Variants in CCNI observed in about 807,000 individuals in gnomAD.
CCNI encodes the protein cyclin I, also known as cyclin-I.
Under a neutral mutation model 34.1 loss-of-function variants are expected in CCNI, and 14 were observed. The ratio of observed to expected loss-of-function variants is 0.41; its 90% CI spans 0.27 to 0.64. The LOEUF is 0.64. Among genes scored for constraint, CCNI ranks in the 30% least tolerant of loss-of-function variants. CCNI has a pLI of 0.31. For synonymous variants in CCNI, 154 were observed against 158.4 expected, an observed-to-expected ratio of 0.97 and a Z score of 0.21; for missense variants, 385 against 440.5, an observed-to-expected ratio of 0.87 and a Z score of 1.13.
intron 6 of CCNI, among the ~76,000 whole-genome samples, chr4:77,052,754 T>C (rs945417333): frequency 2.6e-5 from 4 of 152,146 alleles, no homozygotes; most frequent in African/African-American, 7.2e-5. Context: ...TGTGGCCTTG[T>C]CACACGTCTA....
chr4:77,068,911 T>C (rs1277396215), intron 1 of CCNI, among the ~76,000 whole-genome samples: 1 of 152,178 alleles, frequency 6.6e-6, no homozygotes, highest in African/African-American at 2.4e-5. Context: ...AATTATGATT[T>C]TGTTAATTTT....
At chr4:77,071,173 G>A (rs899455806) in intron 1 of CCNI, among the ~76,000 whole-genome samples, 3 of 152,118 alleles carry the variant, frequency 2.0e-5, no homozygotes, top group African/African-American at 7.2e-5. Context: ...CAGGTTCAAT[G>A]GATTCCCGTT....
chr4:77,075,525 A>G lies in CCNI; in HGVS notation c.-97T>C. 2 of 988,348 alleles carry G rather than the reference A, an allele frequency of 2.0e-6. No homozygotes were observed. The highest frequency in any genetic ancestry group is 2.4e-6 in the Non-Finnish European group (2 of 830,576). 61.2% of individuals were successfully genotyped at this position (988,348 alleles called of 1,614,324 possible). A position where few individuals can be genotyped will look rare whatever the true frequency, so the allele number is the denominator to read the frequency against. ...TCCCCGGCAGAGCTGTAGGCCTCAC[A>G]GTGGTGACGCGGGGTCATCCGGGGG... On this transcript the variant is annotated 5_prime_UTR_variant, in exon 1 of 7. Coordinates refer to ENST00000237654, the MANE Select transcript of CCNI (RefSeq NM_006835.3).
chr4:77,051,307 T>C (rs1030202473), intron 6 of CCNI, among the ~76,000 whole-genome samples: 1 of 152,200 alleles, frequency 6.6e-6, no homozygotes, highest in African/African-American at 2.4e-5. Flanking sequence ...AAGGTAAAGG[T>C]ACCACAAATA....
At chr4:77,055,462 TTC>T (rs1491130650) in intron 5 of CCNI, 82 bp from the exon 6 acceptor site, 6 of 950,964 alleles carry the variant, frequency 6.3e-6, no homozygotes, top group Non-Finnish European at 6.3e-6. Context: ...CCTATTCAAT[TTC>T]TTTTTTTTTT....
intron 5 of CCNI, among the ~76,000 whole-genome samples, chr4:77,055,623 TGCCCG>T (rs1270936426): frequency 6.6e-6 from 1 of 151,936 alleles, no homozygotes; most frequent in Non-Finnish European, 1.5e-5. Context: ...CCTGCCACCA[TGCCCG>T]GCTAATTTTT....
At chr4:77,058,466 C>T in intron 3 of CCNI, 41 bp downstream of exon 3, 2 of 1,539,872 alleles carry the variant, frequency 1.3e-6, no homozygotes, top group Non-Finnish European at 1.8e-6. Context: ...CATACATACA[C>T]TCAAATGAGG....
At chr4:77,049,100 G>A (rs1727663699) in intron 6 of CCNI, among the ~76,000 whole-genome samples, 1 of 148,196 alleles carries the variant, frequency 6.7e-6, no homozygotes, top group Non-Finnish European at 1.5e-5. Context: ...AATGTAAGAA[G>A]CCAAAGGGCA....
chr4:77,064,153 G>T (rs4252835), intron 2 of CCNI, among the ~76,000 whole-genome samples: 14 of 151,664 alleles, frequency 9.2e-5, no homozygotes, highest in African/African-American at 3.4e-4. Flanking sequence ...TGAGGCAAGA[G>T]AATCACTTGA....
At chr4:77,061,515 T>C (rs965158782) in intron 2 of CCNI, among the ~76,000 whole-genome samples, 1 of 152,280 alleles carries the variant, frequency 6.6e-6, no homozygotes, top group South Asian at 2.1e-4. Context: ...ATATATTCTG[T>C]ATATATATTA....
At chr4:77,048,755 C>T in intron 6 of CCNI, 93 bp from the exon 7 acceptor site, 1 of 855,636 alleles carries the variant, frequency 1.2e-6, no homozygotes, top group Non-Finnish European at 1.7e-6. Flanking sequence ...CCTCCCTGTG[C>T]TTTCCGTCCC....
At chr4:77,050,880 C>A (rs1312012739) in intron 6 of CCNI, among the ~76,000 whole-genome samples, 1 of 151,394 alleles carries the variant, frequency 6.6e-6, no homozygotes, top group Admixed American at 6.6e-5. Context: ...AAAAAAGGGG[C>A]TATAGTGTAG....
Position 77,048,385 on chromosome 4 carries a change from C to T in CCNI, c.968G>A (p.Arg323His), listed in dbSNP as rs1456465577. 4 of 1,613,874 alleles carry T rather than the reference C, an allele frequency of 2.5e-6. No homozygotes were observed. The highest frequency in any genetic ancestry group is 2.2e-5 in the East Asian group (1 of 44,892). ...ASGCKQTSTK[R>H]KVEEMEVDDF... ...ATCCACTTCCATTTCCTCTACTTTG[C>T]GTTTAGTAGAGGTCTGCTTGCACCC... The change falls in exon 7 of 7, where the codon CGC becomes CAC. Residue 323 changes from arginine to histidine, a missense_variant. By Grantham distance (29) the Arg-to-His change is conservative (BLOSUM62 0). Transcript: ENST00000237654.
intron 1 of CCNI, among the ~76,000 whole-genome samples, chr4:77,068,254 G>A (rs757546256): frequency 3.9e-5 from 6 of 152,080 alleles, no homozygotes; most frequent in Non-Finnish European, 7.4e-5. Context: ...AACTAAAAAG[G>A]TAATTAACTT....
chr4:77,069,443 T>A lies in CCNI; in HGVS notation c.-43-3038A>T, dbSNP rs182196196. Among the ~76,000 whole-genome samples, 893 of 99,648 alleles carry A rather than the reference T, an allele frequency of 9.0e-3. 7 individuals are homozygous for A. Among genetic ancestry groups the A allele is most frequent in the African/African-American group, 0.032 (796 of 24,864 alleles). The allele number at this position is 99,648 out of a possible 152,430, so 65.4% of individuals were successfully genotyped here. A position where few individuals can be genotyped will look rare whatever the true frequency, so the allele number is the denominator to read the frequency against. On this transcript the variant is annotated intron_variant, in intron 1 of 6. Coordinates refer to ENST00000237654, the MANE Select transcript of CCNI (RefSeq NM_006835.3). ...CAATATCATTTTTATATATATATAT[T>A]TTTTTTATTATTATACTTTAAGTTC...
intron 5 of CCNI, 69 bp downstream of exon 5, chr4:77,055,893 A>C: frequency 1.6e-6 from 2 of 1,257,830 alleles, no homozygotes; most frequent in East Asian, 2.3e-5. Flanking sequence ...ATGAGTAGGC[A>C]ATCTATTTTT....
chr4:77,067,925 C>G (rs1361096867), intron 1 of CCNI, among the ~76,000 whole-genome samples: 1 of 151,580 alleles, frequency 6.6e-6, no homozygotes, highest in Non-Finnish European at 1.5e-5. Context: ...CACCTGTAAT[C>G]CTAGCACTTT....
chr4:77,066,448 G>A (rs1366845495), intron 1 of CCNI, 43 bp from the exon 2 acceptor site: 5 of 1,473,618 alleles, frequency 3.4e-6, no homozygotes, highest in African/African-American at 1.4e-5. Flanking sequence ...TAGAATAAGT[G>A]TAGCATTATA....
Position 77,069,814 on chromosome 4 carries a change from C to CT in CCNI, c.-43-3410dup, listed in dbSNP as rs573707910. 2.2e-4 allele frequency among the ~76,000 whole-genome samples: 34 copies of CT among 151,806 alleles called. 2 individuals carry two copies. In the South Asian group the frequency reaches 6.1e-3, roughly 27 times the overall value. On this transcript the variant is annotated intron_variant, in intron 1 of 6. Coordinates refer to ENST00000237654, the MANE Select transcript of CCNI (RefSeq NM_006835.3). ...ACTGTGTGTGGGGTTTTGGTACCTT[C>CT]TTTTTTTTGATACATCCTTGTTCAC...
Sources: allele counts gnomAD v4.1 joint callset (sites outside exome capture counted in the v4.1 genomes callset), GRCh38; gene constraint gnomAD v4.1.1; transcripts MANE v1.5; gene names NCBI Gene and HGNC (gene_info 2026-07-23, HGNC 2026-07-21).